SEC61A1: variants seen among roughly 807,000 people sequenced by gnomAD.
SEC61A1 encodes the protein protein transport protein Sec61 subunit alpha isoform 1.
In SEC61A1, 15 loss-of-function variants were observed where a neutral mutation model predicts 55.2. The ratio of observed to expected loss-of-function variants is 0.27; its 90% CI spans 0.18 to 0.42. The LOEUF (loss-of-function observed/expected upper bound fraction) is 0.42. Among genes scored for constraint, SEC61A1 ranks in the 10% least tolerant of loss-of-function variants. The pLI, the probability that SEC61A1 is intolerant of heterozygous loss-of-function variation, is 1.00. For synonymous variants in SEC61A1, 247 were observed against 234.0 expected (o/e 1.06, Z -0.51); for missense variants, 284 against 602.6 (o/e 0.47, Z 5.53).
chr3:128,065,071 G>A, intron 8 of SEC61A1, 34 bp downstream of exon 8: 2 of 1,610,874 alleles, frequency 1.2e-6, no homozygotes, highest in Non-Finnish European at 1.7e-6. Flanking sequence ...GAGTTTCCAT[G>A]GTCTGGATTT....
rs768689324 is a variant in SEC61A1 at position 128,056,827 on chromosome 3, C to T, written c.339C>T (p.Asn113=). 1.6e-5 allele frequency: 25 copies of T among 1,597,204 alleles called. No homozygotes were observed. The highest frequency in any genetic ancestry group is 2.3e-5 in the East Asian group (1 of 44,344). ...CCCCAAAAGACCGAGCTCTCTTCAA[C>T]GGAGCCCAAAAGTGTAAGAAAGATT... ...GDTPKDRALF[N]GAQKLFGMII... Residue 113 remains asparagine (N), a synonymous_variant, in exon 5 of 12, where the codon AAC becomes AAT. Coordinates refer to ENST00000243253, the MANE Select transcript of SEC61A1 (RefSeq NM_013336.4).
At chr3:128,058,172 T>G (rs1576420065) in intron 5 of SEC61A1, among the ~76,000 whole-genome samples, 1 of 150,970 alleles carries the variant, frequency 6.6e-6, no homozygotes, top group African/African-American at 2.4e-5. Flanking sequence ...TAAATTAGTA[T>G]GGTGGATAAT....
Position 128,067,756 on chromosome 3 carries a change from G to A in SEC61A1, c.1167+144G>A. 1.4e-6 allele frequency: 1 copy of A among 706,686 alleles called. No homozygotes were observed. Among genetic ancestry groups the A allele is most frequent in the African/African-American group, 1.8e-5 (1 of 56,188 alleles). 43.8% of individuals were successfully genotyped at this position (706,686 alleles called of 1,614,324 possible). On this transcript the variant is annotated intron_variant, in intron 10 of 11. Coordinates refer to ENST00000243253, the MANE Select transcript of SEC61A1 (RefSeq NM_013336.4). This position sits in a 1 kb window ranked among gnomAD's most constrained non-coding sequence, Gnocchi z 4.1. ...TTAGGGGGCAGTTCAGAAGCTTTAAGGGCTGACAGATGGAGTCCAGCAGTA... is the reference window on the plus strand; with the variant it reads ...TTAGGGGGCAGTTCAGAAGCTTTAAAGGCTGACAGATGGAGTCCAGCAGTA...
upstream of SEC61A1, among the ~76,000 whole-genome samples, chr3:128,052,206 A>C (rs1007233892): frequency 3.3e-5 from 5 of 151,816 alleles, no homozygotes; most frequent in African/African-American, 1.2e-4. Flanking sequence ...CGCGTTACCA[A>C]GTCTGCGCAG....
chr3:128,065,010 T>C lies in SEC61A1; in HGVS notation c.750T>C (p.Phe250=). 1.2e-6 allele frequency: 2 copies of C among 1,614,242 alleles called. No homozygotes were observed. The highest frequency in any genetic ancestry group is 1.7e-6 in the Non-Finnish European group (2 of 1,180,040). Residue 250 remains phenylalanine (F), a synonymous_variant, in exon 8 of 12, where the codon TTT becomes TTC. Transcript: ENST00000243253. ...PNLMNLIATI[F]VFAVVIYFQG... The stretch of plus-strand genomic sequence containing the variant: ...TCATGAATCTCATCGCCACCATCTT[T>C]GTCTTTGCAGTGGTCATCTATTTCC...
In SEC61A1 at chr3:128,055,578, C is replaced by T; in HGVS notation, c.138C>T (p.Cys46=). ...CCCTCTTTATCTTCTTAGTGTGCTG[C>T]CAGGTAAGCTCAGGCTTGTATTTCG... ...AITLFIFLVC[C]QIPLFGIMSS... is the part of the protein sequence containing the mutation. Residue 46 remains cysteine, a synonymous_variant, in exon 3 of 12, where the codon TGC becomes TGT. Coordinates refer to ENST00000243253, the MANE Select transcript of SEC61A1 (RefSeq NM_013336.4). The T allele has an allele frequency of 6.2e-7, 1 of 1,613,106 alleles. No homozygotes were observed. Among genetic ancestry groups the T allele is most frequent in the Non-Finnish European group, 8.5e-7 (1 of 1,179,064 alleles).
rs767385594 is a variant in SEC61A1, at chr3:128,056,846, A to G, written c.352+6A>G. 5.7e-6 allele frequency: 9 copies of G among 1,566,154 alleles called. No individual in the cohort carries two copies. Among genetic ancestry groups the G allele is most frequent in the Non-Finnish European group, 7.8e-6 (9 of 1,155,852 alleles). On this transcript the variant is annotated splice_donor_region_variant and intron_variant, in intron 5 of 11. Transcript: ENST00000243253. The stretch of plus-strand genomic sequence containing the variant: ...CTTCAACGGAGCCCAAAAGTGTAAG[A>G]AAGATTGTGAATAATCTGATGTCTA...
At chr3:128,060,419 G>C in intron 6 of SEC61A1, 89 bp from the exon 7 acceptor site, 1 of 1,400,182 alleles carries the variant, frequency 7.1e-7, no homozygotes, top group South Asian at 1.3e-5. Context: ...CGTCTTCAGC[G>C]TTTATATCAG....
chr3:128,052,502 G>A lies in SEC61A1; in HGVS notation c.-51G>A. 1 of 1,577,634 alleles carries A rather than the reference G, an allele frequency of 6.3e-7. No homozygotes were observed. The highest frequency in any genetic ancestry group is 2.3e-5 in the East Asian group (1 of 43,080). ...TGGGCCGCGGGCAGCGTCGCCTCAC[G>A]CGGAGCAGAGCTGAGCTGAAGCGGG... is the stretch of plus-strand genomic sequence containing the variant. On this transcript the variant is annotated 5_prime_UTR_variant, in exon 1 of 12. Coordinates refer to ENST00000243253, the MANE Select transcript of SEC61A1 (RefSeq NM_013336.4).
intron 11 of SEC61A1, among the ~76,000 whole-genome samples, 187 bp from the exon 12 acceptor site, chr3:128,069,280 CGTGTGGCCA>C (rs1447573347): frequency 6.6e-6 from 1 of 152,240 alleles, no homozygotes; most frequent in African/African-American, 2.4e-5. Flanking sequence ...CCCCTGGCCA[CGTGTGGCCA>C]GTGTGGCCAC....
chr3:128,052,752 C>T, intron 1 of SEC61A1, 83 bp from the exon 2 acceptor site: 2 of 1,510,724 alleles, frequency 1.3e-6, no homozygotes, highest in Non-Finnish European at 1.8e-6. Context: ...TCTCACTCGT[C>T]GTGGGCAGAA....
intron 2 of SEC61A1, among the ~76,000 whole-genome samples, chr3:128,053,754 G>C (rs1217785822): frequency 6.6e-6 from 1 of 152,222 alleles, no homozygotes; most frequent in African/African-American, 2.4e-5. Flanking sequence ...TCTGGAGGCA[G>C]GCAAGCCTAG....
intron 8 of SEC61A1, chr3:128,066,676 G>A (rs1367790789): frequency 3.9e-5 from 17 of 436,450 alleles, no homozygotes; most frequent in South Asian, 7.9e-5. Flanking sequence ...CTCCCACCTC[G>A]GCCTCCCAAA....
At chr3:128,052,414 C>T (rs1305225109), upstream of SEC61A1, 5 of 1,241,072 alleles carry the variant, frequency 4.0e-6, no homozygotes, top group Admixed American at 4.3e-5. Context: ...CCGCGCCGCG[C>T]CGCTTGCCGC....
At chr3:128,056,344 C>T (rs372251123) in intron 4 of SEC61A1, among the ~76,000 whole-genome samples, 2 of 152,278 alleles carry the variant, frequency 1.3e-5, no homozygotes, top group South Asian at 2.1e-4. Context: ...TGTACAGGCT[C>T]CTTTTCCAGA....
intron 5 of SEC61A1, 114 bp from the exon 6 acceptor site, chr3:128,059,988 C>T: frequency 1.4e-6 from 1 of 738,804 alleles, no homozygotes; most frequent in Non-Finnish European, 2.3e-6. Flanking sequence ...GGTAGTATCA[C>T]TGCTCTTCAT....
Position 128,071,657 on chromosome 3 carries a change from C to CAAAT in SEC61A1, c.*1999_*2002dup, listed in dbSNP as rs1264010064. On this transcript the variant is annotated 3_prime_UTR_variant, in exon 12 of 12. Coordinates refer to ENST00000243253, the MANE Select transcript of SEC61A1 (RefSeq NM_013336.4). ...TAACTGAGATAAGGTGAATAAGTGA[C>CAAAT]AAATAAAGCCAGTTTTTTACAAGGT... is the stretch of plus-strand genomic sequence containing the variant. 1 of 152,688 alleles carries CAAAT rather than the reference C, an allele frequency of 6.5e-6. No homozygotes were observed. The highest frequency in any genetic ancestry group is 1.5e-5 in the Non-Finnish European group (1 of 68,048). 9.5% of individuals were successfully genotyped at this position (152,688 alleles called of 1,614,324 possible).
At chr3:128,065,190 C>A in intron 8 of SEC61A1, 153 bp downstream of exon 8, 1 of 878,814 alleles carries the variant, frequency 1.1e-6, no homozygotes, top group Non-Finnish European at 1.9e-6. Context: ...TCCAGATGAG[C>A]TGGACAAGCA....
In SEC61A1 at chr3:128,052,649, C is replaced by T. The variant is rs191045126; in HGVS notation, c.7+90C>T. 563 of 1,548,534 alleles carry T rather than the reference C, an allele frequency of 3.6e-4. 3 individuals carry two copies. The East Asian group carries it at 0.012, about 32-fold the overall frequency. On this transcript the variant is annotated intron_variant, in intron 1 of 11. Transcript: ENST00000243253. ...GCGGTCGGGCGCCCGCCGGCCAACC[C>T]TGACCGGCCCCCTGCAGAACGCGGC... is the stretch of plus-strand genomic sequence containing the variant.
Sources: allele counts gnomAD v4.1 joint callset (sites outside exome capture counted in the v4.1 genomes callset), GRCh38; gene constraint gnomAD v4.1.1; non-coding constraint Gnocchi (gnomAD v3.1); transcripts MANE v1.5; gene names NCBI Gene and HGNC (gene_info 2026-07-23, HGNC 2026-07-21).